Variants in MYH10 observed in about 807,000 individuals in gnomAD.
The protein encoded by MYH10 is myosin-10.
MYH10 carries 55 observed loss-of-function variants against 257.8 expected under a neutral mutation model. The observed-to-expected ratio is 0.21, with a 90% confidence interval of 0.17 to 0.27. The LOEUF is 0.27. Ranked by LOEUF, MYH10 falls within the 10% of genes least tolerant of loss-of-function variation. MYH10 has a pLI of 1.00. For missense variants in MYH10, 1,631 were observed against 2,500.6 expected (o/e 0.65, Z 7.42); for synonymous variants, 854 against 921.7 (o/e 0.93, Z 1.33).
intron 35 of MYH10, among the ~76,000 whole-genome samples, chr17:8,489,746 C>CACACACA (rs1451899373): frequency 7.4e-5 from 11 of 149,588 alleles, no homozygotes; most frequent in South Asian, 6.3e-4. Flanking sequence ...CACACACACA[C>CACACACA]CCCAAATCCA....
At chr17:8,609,253 T>C (rs1414458744) in intron 2 of MYH10, among the ~76,000 whole-genome samples, 2 of 152,116 alleles carry the variant, frequency 1.3e-5, no homozygotes, top group South Asian at 2.1e-4. Flanking sequence ...GGAGCAGAGA[T>C]ACAATAGTCT....
intron 7 of MYH10, among the ~76,000 whole-genome samples, chr17:8,557,785 T>C (rs2082856205): frequency 6.6e-6 from 1 of 152,116 alleles, no homozygotes; most frequent in Non-Finnish European, 1.5e-5. Flanking sequence ...TCAAAACAAA[T>C]GGCAAAAACA....
At chr17:8,525,310 A>G (rs531503563) in intron 17 of MYH10, among the ~76,000 whole-genome samples, 2 of 152,250 alleles carry the variant, frequency 1.3e-5, no homozygotes, top group East Asian at 3.9e-4. Flanking sequence ...GAACTTCCAC[A>G]CTGTTTCTGT....
In MYH10 at chr17:8,506,867, C is replaced by G. The variant is rs1463909833; in HGVS notation, c.3215-378G>C. 6.6e-6 allele frequency among the ~76,000 whole-genome samples: 1 copy of G among 152,210 alleles called. No homozygotes were observed. The highest frequency in any genetic ancestry group is 1.5e-5 in the Non-Finnish European group (1 of 68,038). ...GGGCAGCAATCGTAGCTGCCTGTCA[C>G]CCCATTCCCTTTTCCATGGGAACCC... On this transcript the variant is annotated intron_variant, in intron 26 of 42. Coordinates refer to ENST00000360416, the MANE Select transcript of MYH10 (RefSeq NM_001256012.3). The surrounding 1 kb of genome is among the most constrained non-coding windows in gnomAD (Gnocchi z 5.0).
At position 8,481,328 on chromosome 17, in the gene MYH10, G is replaced by A. The variant is rs1020957538; in HGVS notation, c.5258C>T (p.Ser1753Phe). Reference protein sequence around the residue: ...ELADEITNSASGKSALLDEKR... With the variant: ...ELADEITNSAFGKSALLDEKR... ...CCGGCCGTGGGAGACTCACTTGCCA[G>A]AGGCGCTGTTGGTGATCTCGTCCGC... Residue 1753 changes from serine (S) to phenylalanine (F), a missense_variant, in exon 38 of 43, where the codon TCT (serine) becomes TTT (phenylalanine). Ser to Phe is a radical substitution (Grantham distance 155). Around this residue, in one of 11 missense-constraint regions of MYH10, gnomAD observed 343 missense variants for 389.5 expected, o/e 0.88. Transcript: ENST00000360416. 6.2e-7 allele frequency: 1 copy of A among 1,613,794 alleles called. No individual in the cohort carries two copies. The highest frequency in any genetic ancestry group is 1.3e-5 in the African/African-American group (1 of 74,946).
intron 7 of MYH10, among the ~76,000 whole-genome samples, chr17:8,563,889 TG>T (rs145564554): frequency 0.64 from 76,202 of 119,914 alleles, 20,567 homozygotes; most frequent in Admixed American, 0.68. Context: ...TAAGTCAACT[TG>T]GAAAAAAAAA....
intron 21 of MYH10, among the ~76,000 whole-genome samples, chr17:8,514,863 C>T (rs940442824): frequency 7.9e-5 from 12 of 152,302 alleles, no homozygotes; most frequent in Admixed American, 5.9e-4. Context: ...GGCTTTTCCT[C>T]AGCCAAATCC....
intron 3 of MYH10, among the ~76,000 whole-genome samples, chr17:8,602,814 G>A (rs898371421): frequency 3.9e-5 from 6 of 152,040 alleles, no homozygotes; most frequent in Non-Finnish European, 7.4e-5. Context: ...TTGTGCCTTG[G>A]TAAAATAGGG....
chr17:8,530,712 G>T, intron 16 of MYH10, 27 bp from the exon 17 acceptor site: 1 of 1,510,146 alleles, frequency 6.6e-7, no homozygotes, highest in South Asian at 1.2e-5. Flanking sequence ...GCAAAAACAG[G>T]ACAGAAGAGC....
chr17:8,518,594 T>G, intron 21 of MYH10, 37 bp downstream of exon 21: 1 of 1,592,376 alleles, frequency 6.3e-7, no homozygotes, highest in Non-Finnish European at 8.6e-7. Context: ...CACAAGCACT[T>G]CCTCAGTGAA....
chr17:8,478,256 C>T (rs886807221), intron 41 of MYH10, 82 bp downstream of exon 41: 4 of 1,221,708 alleles, frequency 3.3e-6, no homozygotes, highest in Non-Finnish European at 4.8e-6. Flanking sequence ...GCCCTGAATT[C>T]CACTGGTCAG....
At position 8,542,143 on chromosome 17, in the gene MYH10, C is replaced by T. The variant is rs765529336; in HGVS notation, c.1569G>A (p.Leu523=). ...GIEWNFIDFG[L]DLQPCIDLIE... is the part of the protein sequence containing the mutation. ...TTAGGTCGATGCATGGCTGCAGATCCAGCCCGAAATCGATGAAGTTCCACT... is the reference window on the plus strand; with the variant it reads ...TTAGGTCGATGCATGGCTGCAGATCTAGCCCGAAATCGATGAAGTTCCACT... Residue 523 remains leucine, a synonymous_variant, in exon 14 of 43, where the codon CTG becomes CTA. Coordinates refer to ENST00000360416, the MANE Select transcript of MYH10 (RefSeq NM_001256012.3). The T allele has an allele frequency of 4.3e-6, 7 of 1,614,128 alleles. No individual in the cohort carries two copies. The African/African-American group carries it at 5.3e-5, about 12-fold the overall frequency.
chr17:8,605,627 C>T (rs2084767742), intron 2 of MYH10, among the ~76,000 whole-genome samples: 1 of 151,976 alleles, frequency 6.6e-6, no homozygotes, highest in South Asian at 2.1e-4. Context: ...GCCTGTAATC[C>T]CAGCTACTCA....
At chr17:8,534,377 T>C (rs1439496647) in intron 16 of MYH10, among the ~76,000 whole-genome samples, 1 of 152,212 alleles carries the variant, frequency 6.6e-6, no homozygotes, top group Non-Finnish European at 1.5e-5. Flanking sequence ...CTGTGTTCAG[T>C]GCATCCCCCC....
intron 2 of MYH10, among the ~76,000 whole-genome samples, chr17:8,618,091 T>C (rs558061814): frequency 6.6e-6 from 1 of 152,296 alleles, no homozygotes; most frequent in Non-Finnish European, 1.5e-5. Context: ...GTATTCAGTC[T>C]ACTGTAATAC....
intron 6 of MYH10, among the ~76,000 whole-genome samples, chr17:8,575,684 A>G (rs1183130734): frequency 6.6e-6 from 1 of 152,132 alleles, no homozygotes; most frequent in African/African-American, 2.4e-5. Flanking sequence ...CCATAACTCG[A>G]TATTATTGTT....
At chr17:8,577,649 A>T (rs906269529) in intron 4 of MYH10, among the ~76,000 whole-genome samples, 3 of 152,180 alleles carry the variant, frequency 2.0e-5, no homozygotes, top group Admixed American at 6.5e-5. Context: ...TTTGTGCCTC[A>T]GCCTCCTAAG....
At chr17:8,558,297 C>T (rs2082873703) in intron 7 of MYH10, among the ~76,000 whole-genome samples, 2 of 152,146 alleles carry the variant, frequency 1.3e-5, no homozygotes, top group South Asian at 4.1e-4. Context: ...TTTTCAACAT[C>T]TGAAGAACAA....
chr17:8,501,947 A>C (rs1023531426), intron 28 of MYH10, among the ~76,000 whole-genome samples: 1 of 152,160 alleles, frequency 6.6e-6, no homozygotes, highest in Non-Finnish European at 1.5e-5. Flanking sequence ...AGTCCCTCTA[A>C]ATTTGTTAAT....
Sources: allele counts gnomAD v4.1 joint callset (sites outside exome capture counted in the v4.1 genomes callset), GRCh38; gene constraint gnomAD v4.1.1; regional missense constraint gnomAD v4.1.1; non-coding constraint Gnocchi (gnomAD v3.1); transcripts MANE v1.5; gene names NCBI Gene and HGNC (gene_info 2026-07-23, HGNC 2026-07-21).